The following PHF24 variants were observed in gnomAD, a reference collection of about 807,000 sequenced individuals.
PHF24 encodes the protein PHD finger protein 24, also known as Galpha inhibitory interacting protein.
PHF24 carries 25 observed loss-of-function variants against 42.6 expected under a neutral mutation model. The observed-to-expected ratio is 0.59, with a 90% CI of 0.43 to 0.82. PHF24 has a LOEUF of 0.82. Among genes scored for constraint, PHF24 ranks in the 40% least tolerant of loss-of-function variants. The probability of loss-of-function intolerance (pLI) is 0.00; values close to 1 mark genes in which losing one functional copy is unlikely to be tolerated. For synonymous variants in PHF24, 185 were observed against 204.8 expected, an observed-to-expected ratio of 0.90 and a Z score of 0.83; for missense variants, 470 against 538.1, an observed-to-expected ratio of 0.87 and a Z score of 1.25.
the PHF24 span, chr9:34,724,579 G>T: frequency 6.5e-7 from 1 of 1,540,206 alleles, no homozygotes. Flanking sequence ...GTTTGGTCAA[G>T]ATATGTGTCT....
At chr9:34,787,028 G>A in the PHF24 span, among the ~76,000 whole-genome samples, 2 of 152,106 alleles carry the variant, frequency 1.3e-5, no homozygotes, top group Admixed American at 6.6e-5. Context: ...GAGAGTGCAG[G>A]ACTTTGTGGC....
At chr9:34,783,643 A>G in the PHF24 span, among the ~76,000 whole-genome samples, 1 of 152,230 alleles carries the variant, frequency 6.6e-6, no homozygotes, top group South Asian at 2.1e-4. Flanking sequence ...TGTAAGAAAT[A>G]AAATAATCTT....
At chr9:34,971,795 AT>A in intron 2 of PHF24, 119 bp downstream of exon 2, 1 of 1,181,224 alleles carries the variant, frequency 8.5e-7, no homozygotes, top group Non-Finnish European at 1.2e-6. Context: ...GTCCAAAAAA[AT>A]CTTTGAATTT....
At chr9:34,978,150 C>A in exon 8 of PHF24, 13 of 1,464,618 alleles carry the variant, frequency 8.9e-6, no homozygotes, top group Non-Finnish European at 1.2e-5. Flanking sequence ...CAGTGACATC[C>A]TCTCCCTCCT....
At chr9:34,884,036 T>TA in the PHF24 span, among the ~76,000 whole-genome samples, 1 of 152,116 alleles carries the variant, frequency 6.6e-6, no homozygotes, top group Non-Finnish European at 1.5e-5. Context: ...TATGCAGTCA[T>TA]AAAAAAGGGT....
At chr9:34,838,676 T>G in the PHF24 span, 2 of 446,610 alleles carry the variant, frequency 4.5e-6, no homozygotes, top group Non-Finnish European at 8.1e-6. Context: ...GAAGCTCATG[T>G]GGTGATTCAG....
chr9:34,875,751 G>A, the PHF24 span, among the ~76,000 whole-genome samples: 3 of 151,966 alleles, frequency 2.0e-5, no homozygotes, highest in East Asian at 1.9e-4. Context: ...CAGGTGTGTC[G>A]GTTCCTCTCA....
chr9:34,887,388 G>C, the PHF24 span, among the ~76,000 whole-genome samples: 3 of 152,288 alleles, frequency 2.0e-5, no homozygotes, highest in East Asian at 1.9e-4. Flanking sequence ...GTAAGAGCCA[G>C]CTTCCTTGCT....
the PHF24 span, among the ~76,000 whole-genome samples, chr9:34,754,844 A>C: frequency 6.6e-6 from 1 of 152,256 alleles, no homozygotes; most frequent in Non-Finnish European, 1.5e-5. Flanking sequence ...AATATGGTAC[A>C]TACACACAAC....
At chr9:34,916,243 T>A in the PHF24 span, among the ~76,000 whole-genome samples, 2 of 152,192 alleles carry the variant, frequency 1.3e-5, no homozygotes, top group African/African-American at 4.8e-5. Flanking sequence ...CATGAATATG[T>A]AGTGTCTATT....
At chr9:34,946,111 C>A in the PHF24 span, among the ~76,000 whole-genome samples, 1 of 152,180 alleles carries the variant, frequency 6.6e-6, no homozygotes, top group African/African-American at 2.4e-5. Flanking sequence ...AAGGCATATT[C>A]TTTATGGTCA....
At chr9:34,942,530 G>T in the PHF24 span, among the ~76,000 whole-genome samples, 45 of 152,260 alleles carry the variant, frequency 3.0e-4, no homozygotes, top group Non-Finnish European at 2.9e-5. Context: ...AGGTAGTCCA[G>T]ATCTCATCAA....
chr9:34,887,993 G>GTT, the PHF24 span, among the ~76,000 whole-genome samples: 17 of 151,860 alleles, frequency 1.1e-4, no homozygotes, highest in South Asian at 8.3e-4. Flanking sequence ...ATTTTACTGT[G>GTT]TTTTTTTTTT....
the PHF24 span, among the ~76,000 whole-genome samples, chr9:34,705,183 T>A: frequency 1.3e-5 from 2 of 152,236 alleles, no homozygotes; most frequent in African/African-American, 4.8e-5. Context: ...CCTTCATATT[T>A]ATAATTTGAT....
the PHF24 span, among the ~76,000 whole-genome samples, chr9:34,731,904 G>A: frequency 2.0e-5 from 3 of 152,006 alleles, no homozygotes; most frequent in African/African-American, 7.2e-5. Context: ...AGGCTGGAGT[G>A]CAGTGGCGTG....
At chr9:34,733,414 G>A in the PHF24 span, among the ~76,000 whole-genome samples, 1 of 151,636 alleles carries the variant, frequency 6.6e-6, no homozygotes, top group Non-Finnish European at 1.5e-5. Context: ...TTTGTCATTT[G>A]ATATTTATAA....
the PHF24 span, among the ~76,000 whole-genome samples, chr9:34,755,965 T>C: frequency 5.9e-5 from 9 of 152,260 alleles, no homozygotes; most frequent in Non-Finnish European, 1.2e-4. Flanking sequence ...TTTGCTCTTG[T>C]TGCCTGTGCT....
exon 8 of PHF24, chr9:34,978,249 A>G: frequency 1.6e-6 from 1 of 641,742 alleles, no homozygotes; most frequent in Non-Finnish European, 2.8e-6. Context: ...CTAAGCTTTA[A>G]GGCACTGAAA....
At chr9:34,874,838 A>C in the PHF24 span, among the ~76,000 whole-genome samples, 1 of 152,242 alleles carries the variant, frequency 6.6e-6, no homozygotes, top group Admixed American at 6.6e-5. Flanking sequence ...GGTACATAGT[A>C]AGTGTATATA....
Sources: allele counts gnomAD v4.1 joint callset (sites outside exome capture counted in the v4.1 genomes callset), GRCh38; gene constraint gnomAD v4.1.1; transcripts MANE v1.5; gene names NCBI Gene and HGNC (gene_info 2026-07-23, HGNC 2026-07-21).